USP1: variants seen among roughly 807,000 people sequenced by gnomAD.
The protein encoded by USP1 is ubiquitin specific peptidase 1.
Under a neutral mutation model 72.2 loss-of-function variants are expected in USP1, and 18 were observed. That is an observed-to-expected ratio of 0.25 (90% CI 0.17 to 0.37). The LOEUF (loss-of-function observed/expected upper bound fraction) is 0.37, where lower values mean the gene tolerates loss of function less well. Among genes scored for constraint, USP1 ranks in the 10% least tolerant of loss-of-function variants. The probability of loss-of-function intolerance (pLI) is 1.00; values close to 1 mark genes in which losing one functional copy is unlikely to be tolerated. For synonymous variants in USP1, 354 were observed against 303.7 expected (o/e 1.17, Z -1.72); for missense variants, 759 against 884.9 (o/e 0.86, Z 1.81).
Position 62,444,277 on chromosome 1 carries a change from AAAAG to A in USP1, c.558-460_558-457del, listed in dbSNP as rs202039372. On this transcript the variant is annotated intron_variant, in intron 5 of 8. Coordinates refer to ENST00000339950, the MANE Select transcript of USP1 (RefSeq NM_003368.5). The stretch of plus-strand genomic sequence containing the variant: ...CTTGTCTCCAAAAAAAAAAAAAAAA[AAAAG>A]GCCATTGTAGCGTGGTGGCCAAGAG... Among the ~76,000 whole-genome samples the A allele has an allele frequency of 1.4e-3, 209 of 144,946 alleles. 7 individuals are homozygous for A. Among genetic ancestry groups the A allele is most frequent in the Middle Eastern group, 7.1e-3 (2 of 282 alleles).
At chr1:62,448,798 T>G in intron 8 of USP1, 132 bp downstream of exon 8, 1 of 938,114 alleles carries the variant, frequency 1.1e-6, no homozygotes, top group Non-Finnish European at 1.6e-6. Flanking sequence ...TTCAGTAAAG[T>G]TTTGTTCTTA....
rs780138956 is a variant in USP1 at position 62,450,465 on chromosome 1, G to T, written c.1842G>T (p.Val614=). Reference sequence around the variant, plus strand: ...TAGAACTAGATAAAGGAAATTTTGTGGTTGACCAAATGTGTGAAATAGGTA... The same window carrying T: ...TAGAACTAGATAAAGGAAATTTTGTTGTTGACCAAATGTGTGAAATAGGTA... ...NSLELDKGNF[V]VDQMCEIGKP... The change falls in exon 9 of 9, where the codon GTG becomes GTT. Residue 614 remains valine (V), a synonymous_variant. Transcript: ENST00000339950. 1.2e-6 allele frequency: 2 copies of T among 1,614,082 alleles called. No homozygotes were observed. Among genetic ancestry groups the T allele is most frequent in the Non-Finnish European group, 1.7e-6 (2 of 1,180,006 alleles).
chr1:62,441,617 A>G lies in USP1; in HGVS notation c.291+9A>G. The G allele has an allele frequency of 1.9e-6, 3 of 1,602,194 alleles. No homozygotes were observed. The highest frequency in any genetic ancestry group is 1.1e-5 in the South Asian group (1 of 88,044). On this transcript the variant is annotated intron_variant, in intron 3 of 8. Transcript: ENST00000339950. The stretch of plus-strand genomic sequence containing the variant: ...TTAATAGTATACTTCAGGTAAATTG[A>G]CAATTTTGCTATATCATAAAGCTTT...
intron 6 of USP1, 99 bp from the exon 7 acceptor site, chr1:62,447,242 G>A (rs745420092): frequency 8.5e-7 from 1 of 1,171,678 alleles, no homozygotes; most frequent in Non-Finnish European, 1.2e-6. Context: ...AAATGGAACT[G>A]TTATTCATGA....
chr1:62,437,484 C>T (rs112050628), intron 1 of USP1, 84 bp downstream of exon 1: 4 of 283,286 alleles, frequency 1.4e-5, no homozygotes, highest in Non-Finnish European at 2.6e-5. Context: ...CCGGGGAGAC[C>T]CCGGGACCGT....
Position 62,443,310 on chromosome 1 carries a change from A to G in USP1, c.548A>G (p.Asn183Ser), listed in dbSNP as rs1212806588. The G allele has an allele frequency of 6.2e-7, 1 of 1,611,858 alleles. No homozygotes were observed. Among genetic ancestry groups the G allele is most frequent in the Admixed American group, 1.7e-5 (1 of 59,358 alleles). ...GCCACTCAGCCAAGGCGACTGCTTA[A>G]CACACTGAGGTATAGCCTATAATAT... ...ELATQPRRLL[N>S]TLRELNPMYE... Residue 183 changes from asparagine (N) to serine (S), a missense_variant, in exon 5 of 9, where the codon AAC (asparagine) becomes AGC (serine). This residue lies in a region of USP1 where 16 missense variants were observed against 44.6 expected (regional missense o/e 0.36). Transcript: ENST00000339950.
chr1:62,447,455 A>G lies in USP1; in HGVS notation c.1364A>G (p.Asp455Gly). ...ACAGAAAGAAGAGAAGATTTTCAAG[A>G]CATCAGTGTGCCAGTACAAGAAGAT... ...SLTERREDFQDISVPVQEDEL... is the reference protein window; with the variant it reads ...SLTERREDFQGISVPVQEDEL... Residue 455 changes from aspartate (D) to glycine (G), a missense_variant, in exon 7 of 9, where the codon GAC (aspartate) becomes GGC (glycine). Asp to Gly is a moderately conservative substitution (Grantham distance 94, BLOSUM62 -1). Around this residue, in one of 9 missense-constraint regions of USP1, gnomAD observed 140 missense variants for 222.8 expected, o/e 0.63. Transcript: ENST00000339950. 6 of 1,614,150 alleles carry G rather than the reference A, an allele frequency of 3.7e-6. No individual in the cohort carries two copies. Among genetic ancestry groups the G allele is most frequent in the Non-Finnish European group, 5.1e-6 (6 of 1,180,014 alleles).
chr1:62,448,395 C>T (rs1235960670), intron 7 of USP1, 70 bp from the exon 8 acceptor site: 1 of 1,449,676 alleles, frequency 6.9e-7, no homozygotes, highest in Non-Finnish European at 9.4e-7. Flanking sequence ...TAATTTTGAA[C>T]CTGAAACTTT....
At chr1:62,447,564 T>A in intron 7 of USP1, 53 bp downstream of exon 7, 1 of 1,555,404 alleles carries the variant, frequency 6.4e-7, no homozygotes, top group Non-Finnish European at 8.7e-7. Flanking sequence ...TATAATTCTT[T>A]AACAACACAA....
intron 1 of USP1, among the ~76,000 whole-genome samples, chr1:62,437,910 C>T (rs1441002077): frequency 6.6e-6 from 1 of 152,280 alleles, no homozygotes; most frequent in Middle Eastern, 3.4e-3. Context: ...GGAATCGAGT[C>T]GTGTCATCTT....
chr1:62,449,323 G>T (rs553549775), intron 8 of USP1, among the ~76,000 whole-genome samples: 4 of 152,178 alleles, frequency 2.6e-5, no homozygotes, highest in African/African-American at 7.2e-5. Context: ...ATTCTTCCTA[G>T]TTTTAAGGTA....
chr1:62,442,283 C>A lies in USP1; in HGVS notation c.380C>A (p.Ala127Asp). The A allele has an allele frequency of 1.3e-6, 2 of 1,589,916 alleles. No homozygotes were observed. Among genetic ancestry groups the A allele is most frequent in the South Asian group, 1.2e-5 (1 of 86,898 alleles). The change falls in exon 4 of 9, where the codon GCC (alanine) becomes GAC (aspartate). Residue 127 changes from alanine to aspartate, a missense_variant. By Grantham distance (126) the Ala-to-Asp change is moderately radical. Around this residue, in one of 9 missense-constraint regions of USP1, gnomAD observed 71 missense variants for 71.0 expected, o/e 1.00. Transcript: ENST00000339950. ...AAGAAAGAAGCTCTAAAGGATGAAG[C>A]CAATCAAAAAGACAAGGTAAGAAAA... is the stretch of plus-strand genomic sequence containing the variant. ...SRKKEALKDEANQKDKGNCKE... is the reference protein window; with the variant it reads ...SRKKEALKDEDNQKDKGNCKE...
Position 62,450,909 on chromosome 1 carries a change from C to T in USP1, c.2286C>T (p.Asp762=). The T allele has an allele frequency of 6.2e-7, 1 of 1,613,722 alleles. No homozygotes were observed. The highest frequency in any genetic ancestry group is 1.1e-5 in the South Asian group (1 of 91,004). The change falls in exon 9 of 9, where the codon GAC becomes GAT. Residue 762 remains aspartate (D), a synonymous_variant. Coordinates refer to ENST00000339950, the MANE Select transcript of USP1 (RefSeq NM_003368.5). ...AAGTCAAAGTTACTGAAGAGAAGGA[C>T]TTTCTGAATTCTCTTTCCCCTTCTA... is the stretch of plus-strand genomic sequence containing the variant. ...DSEVKVTEEK[D]FLNSLSPSTS...
rs1227208096 is a variant in USP1, at chr1:62,437,187, T to C, written c.-283T>C. 2.5e-6 allele frequency: 1 copy of C among 398,556 alleles called. No homozygotes were observed. The highest frequency in any genetic ancestry group is 4.4e-6 in the Non-Finnish European group (1 of 225,886). 24.7% of individuals were successfully genotyped at this position (398,556 alleles called of 1,614,324 possible). A position where few individuals can be genotyped will look rare whatever the true frequency, so the allele number is the denominator to read the frequency against. ...GATGGGCGCCGCTCCCGGGATGTAGTTGGTGTTGGTGCAAGACGGGAGCGA... is the reference window on the plus strand; with the variant it reads ...GATGGGCGCCGCTCCCGGGATGTAGCTGGTGTTGGTGCAAGACGGGAGCGA... On this transcript the variant is annotated 5_prime_UTR_variant, in exon 1 of 9. Transcript: ENST00000339950.
rs1645192124 is a variant in USP1 at position 62,448,488 on chromosome 1, A to G, written c.1444A>G (p.Met482Val). The change falls in exon 8 of 9, where the codon ATG becomes GTG. Residue 482 changes from methionine (M) to valine (V), a missense_variant. Around this residue, in one of 9 missense-constraint regions of USP1, gnomAD observed 140 missense variants for 222.8 expected, o/e 0.63. Transcript: ENST00000339950. Reference sequence around the variant, plus strand: ...AGTTTCTCCAGAGCCAAAAACAGAAATGAAGACCCTGAGATGGGCAATTTC... The same window carrying G: ...AGTTTCTCCAGAGCCAAAAACAGAAGTGAAGACCCTGAGATGGGCAATTTC... ...SEISPEPKTE[M>V]KTLRWAISQF... 2 of 1,613,970 alleles carry G rather than the reference A, an allele frequency of 1.2e-6. No individual in the cohort carries two copies. Among genetic ancestry groups the G allele is most frequent in the East Asian group, 4.5e-5 (2 of 44,808 alleles).
intron 4 of USP1, among the ~76,000 whole-genome samples, chr1:62,442,564 T>C (rs642845): frequency 0.42 from 63,864 of 152,022 alleles, 15,177 homozygotes; most frequent in African/African-American, 0.65. Flanking sequence ...CACAATATGT[T>C]ATACCCATGT....
At chr1:62,439,553 C>T (rs955287855) in intron 1 of USP1, among the ~76,000 whole-genome samples, 1 of 152,134 alleles carries the variant, frequency 6.6e-6, no homozygotes, top group Non-Finnish European at 1.5e-5. Context: ...TTTTGTAATG[C>T]GACCCTTAAT....
chr1:62,441,632 C>G, intron 3 of USP1, 24 bp downstream of exon 3: 2 of 1,598,224 alleles, frequency 1.3e-6, no homozygotes, highest in Non-Finnish European at 1.7e-6. Flanking sequence ...TTTGCTATAT[C>G]ATAAAGCTTT....
Position 62,450,754 on chromosome 1 carries a change from G to GA in USP1, c.2133dup (p.Ser712IlefsTer2), listed in dbSNP as rs754785743. 6.2e-7 allele frequency: 1 copy of GA among 1,613,746 alleles called. No individual in the cohort carries two copies. Among genetic ancestry groups the GA allele is most frequent in the Non-Finnish European group, 8.5e-7 (1 of 1,179,908 alleles). On this transcript the variant is annotated frameshift_variant, in exon 9 of 9. Transcript: ENST00000339950. LOFTEE classifies it high-confidence loss of function. ...GACTAGTGATACTACTGGGACCCATGAATCTGATAGAAACAAGGAATCCAG... is the reference window on the plus strand; with the variant it reads ...GACTAGTGATACTACTGGGACCCATGAAATCTGATAGAAACAAGGAATCCAG...
Sources: gnomAD v4.1 joint callset for allele counts (sites outside exome capture counted in the v4.1 genomes callset) on GRCh38, gnomAD v4.1.1 for gene constraint, gnomAD v4.1.1 regional missense constraint, MANE v1.5 for transcripts, NCBI Gene and HGNC (gene_info 2026-07-23, HGNC 2026-07-21) for gene names.